FKBP15: variants seen among roughly 807,000 people sequenced by gnomAD.
The protein encoded by FKBP15 is FK506-binding protein 15.
In FKBP15, 106 loss-of-function variants were observed where a neutral mutation model predicts 158.1. The ratio of observed to expected loss-of-function variants is 0.67; its 90% CI spans 0.57 to 0.79. The LOEUF (loss-of-function observed/expected upper bound fraction) is 0.79. Ranked by LOEUF, FKBP15 falls within the 30% of genes least tolerant of loss-of-function variation. The pLI is 0.00. For synonymous variants in FKBP15, 547 were observed against 548.6 expected, an observed-to-expected ratio of 1.00 and a Z score of 0.04; for missense variants, 1,287 against 1,479.1, an observed-to-expected ratio of 0.87 and a Z score of 2.13.
rs773900562 is a variant in FKBP15, at chr9:113,206,516, G to A, written c.317C>T (p.Ala106Val). Residue 106 changes from alanine (A) to valine (V), a missense_variant, in exon 4 of 28, where the codon GCC becomes GTC. Transcript: ENST00000238256. The part of the protein sequence containing the change: ...FGAAVLGNHT[A>V]REYRILLYIS... The stretch of plus-strand genomic sequence containing the variant: ...ATGTGGGAGCACTCTCACCTCTCTG[G>A]CTGTGTGGTTCCCCAGAACTGCAGC... 2.4e-5 allele frequency: 38 copies of A among 1,613,534 alleles called. No individual in the cohort carries two copies. In the African/African-American group the frequency reaches 3.7e-4, roughly 16 times the overall value.
At chr9:113,183,110 G>A (rs1830429177) in intron 18 of FKBP15, among the ~76,000 whole-genome samples, 1 of 152,172 alleles carries the variant, frequency 6.6e-6, no homozygotes, top group African/African-American at 2.4e-5. Context: ...TGTGAATGGT[G>A]TGTGATAATG....
At chr9:113,186,001 G>A (rs1357380896) in intron 15 of FKBP15, among the ~76,000 whole-genome samples, 3 of 152,202 alleles carry the variant, frequency 2.0e-5, no homozygotes, top group Non-Finnish European at 4.4e-5. Context: ...AACATTGGGG[G>A]ATGACGGAAA....
chr9:113,196,877 T>C, intron 9 of FKBP15, 55 bp downstream of exon 9: 1 of 1,567,002 alleles, frequency 6.4e-7, no homozygotes, highest in Non-Finnish European at 8.7e-7. Context: ...TTTGTGTAAC[T>C]AGCAAAGAGA....
chr9:113,187,752 G>A, intron 14 of FKBP15, 41 bp downstream of exon 14: 1 of 1,461,590 alleles, frequency 6.8e-7, no homozygotes. Flanking sequence ...TAGAACCACA[G>A]CAAATTATAG....
intron 3 of FKBP15, among the ~76,000 whole-genome samples, 183 bp from the exon 4 acceptor site, chr9:113,206,761 G>T (rs1323022730): frequency 7.2e-6 from 1 of 139,226 alleles, no homozygotes; most frequent in Non-Finnish European, 1.5e-5. Flanking sequence ...TCTGTCACCA[G>T]GCTGGAGTGC....
chr9:113,166,187 A>G (rs1047244857), intron 27 of FKBP15, 32 bp from the exon 28 acceptor site: 7 of 1,579,796 alleles, frequency 4.4e-6, no homozygotes, highest in Non-Finnish European at 6.1e-6. Context: ...GTCAGTCCTC[A>G]CTTGTGCCTG....
chr9:113,170,665 A>G (rs1830192364), intron 24 of FKBP15, 36 bp from the exon 25 acceptor site: 1 of 1,497,734 alleles, frequency 6.7e-7, no homozygotes, highest in African/African-American at 1.4e-5. Flanking sequence ...GTCAAAATCA[A>G]GTCACTAAAG....
chr9:113,165,088 G>A lies in FKBP15; in HGVS notation c.*990C>T, dbSNP rs1830078169. ...GATTGCATAATCTTTGGAAGATCCTGGAATCAAGAAAATGACCACAAGTAT... is the reference window on the plus strand; with the variant it reads ...GATTGCATAATCTTTGGAAGATCCTAGAATCAAGAAAATGACCACAAGTAT... On this transcript the variant is annotated 3_prime_UTR_variant, in exon 28 of 28. Transcript: ENST00000238256. 1 of 151,978 alleles carries A rather than the reference G, an allele frequency of 6.6e-6. No individual in the cohort carries two copies. Among genetic ancestry groups the A allele is most frequent in the Non-Finnish European group, 1.5e-5 (1 of 67,998 alleles). The allele number at this position is 151,978 out of a possible 1,614,324, so 9.4% of individuals were successfully genotyped here.
At chr9:113,211,106 C>T (rs887629759) in intron 2 of FKBP15, among the ~76,000 whole-genome samples, 47 of 152,282 alleles carry the variant, frequency 3.1e-4, no homozygotes, top group Middle Eastern at 3.4e-3. Context: ...TTCACACATA[C>T]GTATATTCTA....
intron 11 of FKBP15, 120 bp downstream of exon 11, chr9:113,193,368 TCTCA>T (rs1830610811): frequency 3.5e-6 from 2 of 573,468 alleles, no homozygotes. Context: ...AGAGACGAGG[TCTCA>T]CTATGTTGCC....
At chr9:113,212,400 G>A (rs1010139943) in intron 1 of FKBP15, among the ~76,000 whole-genome samples, 1 of 152,040 alleles carries the variant, frequency 6.6e-6, no homozygotes, top group Admixed American at 6.6e-5. Context: ...TGCTGGCCAG[G>A]CTGGTCTCGA....
intron 1 of FKBP15, among the ~76,000 whole-genome samples, chr9:113,215,188 C>T (rs1831094370): frequency 6.6e-6 from 1 of 152,158 alleles, no homozygotes; most frequent in Non-Finnish European, 1.5e-5. Flanking sequence ...CACAAGAGGC[C>T]TAGCTTTTGG....
intron 26 of FKBP15, among the ~76,000 whole-genome samples, chr9:113,168,920 C>T (rs1200222625): frequency 6.6e-6 from 1 of 152,134 alleles, no homozygotes; most frequent in Non-Finnish European, 1.5e-5. Flanking sequence ...ACTTGACTGT[C>T]ACTCCTTAAA....
At chr9:113,215,865 G>A (rs1272666626) in intron 1 of FKBP15, among the ~76,000 whole-genome samples, 1 of 150,862 alleles carries the variant, frequency 6.6e-6, no homozygotes, top group African/African-American at 2.4e-5. Flanking sequence ...TGGCCAGGCT[G>A]GTTGCAAACT....
chr9:113,175,496 G>C (rs1444389546), intron 21 of FKBP15, among the ~76,000 whole-genome samples: 1 of 152,190 alleles, frequency 6.6e-6, no homozygotes, highest in Non-Finnish European at 1.5e-5. Context: ...CTCAGGAGCA[G>C]TTTATTATTT....
At position 113,169,409 on chromosome 9, in the gene FKBP15, T is replaced by A. The variant is rs369380780; in HGVS notation, c.3300A>T (p.Ser1100=). ...QESSTRLSLT[S]DPEEGDPLAL... Reference sequence around the variant, plus strand: ...CCAGTGGGTCCCCCTCCTCGGGGTCTGAAGTCAGGGACAGTCTTGTGGAGC... The same window carrying A: ...CCAGTGGGTCCCCCTCCTCGGGGTCAGAAGTCAGGGACAGTCTTGTGGAGC... Residue 1100 remains serine (S), a synonymous_variant, in exon 26 of 28, where the codon TCA becomes TCT. Transcript: ENST00000238256. The A allele has an allele frequency of 3.1e-6, 5 of 1,614,038 alleles. No homozygotes were observed. The highest frequency in any genetic ancestry group is 3.4e-6 in the Non-Finnish European group (4 of 1,179,890).
chr9:113,190,450 A>C (rs991874095), intron 12 of FKBP15, 21 bp downstream of exon 12: 3 of 1,561,516 alleles, frequency 1.9e-6, no homozygotes, highest in African/African-American at 1.4e-5. Context: ...TATTCATTCT[A>C]ATACAGCCAG....
At chr9:113,197,144 G>C in intron 8 of FKBP15, 66 bp from the exon 9 acceptor site, 1 of 1,572,316 alleles carries the variant, frequency 6.4e-7, no homozygotes, top group Non-Finnish European at 8.7e-7. Flanking sequence ...GTGAAGTACA[G>C]GAGCAACAGG....
intron 6 of FKBP15, among the ~76,000 whole-genome samples, chr9:113,201,503 G>A (rs1335421715): frequency 6.6e-6 from 1 of 152,160 alleles, no homozygotes; most frequent in Admixed American, 6.5e-5. Flanking sequence ...GACAGTATTA[G>A]GAGGTGGGGC....
Sources: gnomAD v4.1 joint callset for allele counts (sites outside exome capture counted in the v4.1 genomes callset) on GRCh38, gnomAD v4.1.1 for gene constraint, MANE v1.5 for transcripts, NCBI Gene and HGNC (gene_info 2026-07-23, HGNC 2026-07-21) for gene names.